COL9A1: variants seen among roughly 807,000 people sequenced by gnomAD.
COL9A1 encodes the protein collagen alpha-1(IX) chain.
Under a neutral mutation model 142.6 loss-of-function variants are expected in COL9A1, and 104 were observed. The ratio of observed to expected loss-of-function variants is 0.73; its 90% CI spans 0.62 to 0.86. The LOEUF (loss-of-function observed/expected upper bound fraction) is 0.86. Among genes scored for constraint, COL9A1 ranks in the 40% least tolerant of loss-of-function variants. COL9A1 has a pLI of 0.00. For missense variants in COL9A1, 1,210 were observed against 1,176.6 expected (o/e 1.03, Z -0.42); for synonymous variants, 466 against 396.0 (o/e 1.18, Z -2.10).
At chr6:70,260,489 A>G (rs1370633693) in intron 20 of COL9A1, among the ~76,000 whole-genome samples, 168 bp downstream of exon 20, 3 of 151,118 alleles carry the variant, frequency 2.0e-5, no homozygotes, top group African/African-American at 7.3e-5. Flanking sequence ...CAGAGGTTGC[A>G]GTGAGCCAAG....
In COL9A1 at chr6:70,252,680, C is replaced by T. The variant is rs182831655; in HGVS notation, c.1765-365G>A. Among the ~76,000 whole-genome samples the T allele has an allele frequency of 1.9e-3, 286 of 152,248 alleles. 1 individual carries two copies. Among genetic ancestry groups the T allele is most frequent in the African/African-American group, 6.5e-3 (272 of 41,540 alleles). ...TAATTATTTGAGTCTTTCTACCTCA[C>T]ATTAAACTATTGAAACTATTAAGAA... is the stretch of plus-strand genomic sequence containing the variant. On this transcript the variant is annotated intron_variant, in intron 26 of 37. Coordinates refer to ENST00000357250, the MANE Select transcript of COL9A1 (RefSeq NM_001851.6).
rs886061699 is a variant in COL9A1 at position 70,283,765 on chromosome 6, G to A, written c.752C>T (p.Thr251Ile). ...HCDPLRPRRETCHELPARITP... is the reference protein window; with the variant it reads ...HCDPLRPRREICHELPARITP... The stretch of plus-strand genomic sequence containing the variant: ...TATTCTGGCTGGCAGCTCATGGCAA[G>A]TTTCTCTCCTGGGCCGCAGGGGGTC... Residue 251 changes from threonine (T) to isoleucine (I), a missense_variant, in exon 6 of 38, where the codon ACT becomes ATT. Thr to Ile is a moderately conservative substitution (Grantham distance 89, BLOSUM62 -1). Coordinates refer to ENST00000357250, the MANE Select transcript of COL9A1 (RefSeq NM_001851.6). 1 of 1,612,134 alleles carries A rather than the reference G, an allele frequency of 6.2e-7. No homozygotes were observed. The highest frequency in any genetic ancestry group is 2.2e-5 in the East Asian group (1 of 44,838).
intron 28 of COL9A1, among the ~76,000 whole-genome samples, chr6:70,248,285 G>A (rs528865018): frequency 4.6e-5 from 7 of 152,228 alleles, no homozygotes; most frequent in East Asian, 3.9e-4. Flanking sequence ...AAAGGCAGGC[G>A]CCCATATGAA....
At chr6:70,282,827 C>G (rs978691698) in intron 7 of COL9A1, 71 bp downstream of exon 7, 5 of 1,611,306 alleles carry the variant, frequency 3.1e-6, no homozygotes, top group Non-Finnish European at 2.5e-6. Context: ...TCACAGCTCC[C>G]TCGACCGCTG....
In COL9A1 at chr6:70,252,139, C is replaced by T. The variant is rs761249181; in HGVS notation, c.1853G>A (p.Arg618Gln). ...ACTCACAGGAAGCCCCTGGGGTCCT[C>T]GGGGTCCCACCTCTCCTGGAGGCCC... ...QQGPPGEVGP[R>Q]GPQGLPGSRG... Residue 618 changes from arginine to glutamine, a missense_variant, in exon 28 of 38, where the codon CGA (arginine) becomes CAA (glutamine). Arg to Gln is a conservative substitution (Grantham distance 43, BLOSUM62 1). Transcript: ENST00000357250. 8.1e-6 allele frequency: 13 copies of T among 1,614,100 alleles called. No individual in the cohort carries two copies. The highest frequency in any genetic ancestry group is 2.2e-5 in the East Asian group (1 of 44,880).
At chr6:70,223,123 A>G (rs1031058263) in intron 37 of COL9A1, among the ~76,000 whole-genome samples, 1 of 152,168 alleles carries the variant, frequency 6.6e-6, no homozygotes, top group African/African-American at 2.4e-5. Flanking sequence ...GGCGGTGCTG[A>G]TTTAGAGAAG....
In COL9A1 at chr6:70,216,839, C is replaced by T; in HGVS notation, c.*58G>A. On this transcript the variant is annotated 3_prime_UTR_variant, in exon 38 of 38. Coordinates refer to ENST00000357250, the MANE Select transcript of COL9A1 (RefSeq NM_001851.6). ...TGCCCCAGCTTTGGATGGTGTTTCT[C>T]ACCCAGGCTCCTTCACCAGGCGTGG... 1 of 1,585,414 alleles carries T rather than the reference C, an allele frequency of 6.3e-7. No individual in the cohort carries two copies. The highest frequency in any genetic ancestry group is 1.1e-5 in the South Asian group (1 of 89,900).
rs1323944669 is a variant in COL9A1, at chr6:70,294,485, C to A, written c.378G>T (p.Lys126Asn). 1 of 1,614,088 alleles carries A rather than the reference C, an allele frequency of 6.2e-7. No homozygotes were observed. The highest frequency in any genetic ancestry group is 8.5e-7 in the Non-Finnish European group (1 of 1,179,960). ...CCTGAATCTGCCAAATGTTCCAGTT[C>A]TTTTTGAGAGTGCTTCCAGTCATTC... The part of the protein sequence containing the change: ...TFRMTGSTLK[K>N]NWNIWQIQDS... The change falls in exon 5 of 38, where the codon AAG becomes AAT. Residue 126 changes from lysine to asparagine, a missense_variant. Transcript: ENST00000357250.
At position 70,268,865 on chromosome 6, in the gene COL9A1, C is replaced by T. The variant is rs776730381; in HGVS notation, c.1231-5G>A. On this transcript the variant is annotated splice_polypyrimidine_tract_variant and splice_region_variant and intron_variant, in intron 16 of 37. Coordinates refer to ENST00000357250, the MANE Select transcript of COL9A1 (RefSeq NM_001851.6). ...TGGTGGACAGGCATTGGGACACTGCCAGGGAGAGAGGGAACAAAGAGAAAG... is the reference window on the plus strand; with the variant it reads ...TGGTGGACAGGCATTGGGACACTGCTAGGGAGAGAGGGAACAAAGAGAAAG... 4 of 1,613,702 alleles carry T rather than the reference C, an allele frequency of 2.5e-6. No individual in the cohort carries two copies. The highest frequency in any genetic ancestry group is 3.4e-6 in the Non-Finnish European group (4 of 1,179,752).
intron 10 of COL9A1, 139 bp downstream of exon 10, chr6:70,280,673 T>TG (rs1447332838): frequency 7.6e-7 from 1 of 1,319,200 alleles, no homozygotes; most frequent in East Asian, 2.5e-5. Context: ...AATCAGGCGC[T>TG]GGCAGGAGGC....
intron 10 of COL9A1, among the ~76,000 whole-genome samples, chr6:70,277,285 C>T (rs995343087): frequency 6.6e-6 from 1 of 151,656 alleles, no homozygotes; most frequent in African/African-American, 2.4e-5. Flanking sequence ...GAGAACAGCA[C>T]AGTTGTCCTA....
intron 19 of COL9A1, among the ~76,000 whole-genome samples, chr6:70,262,394 A>G (rs563211903): frequency 2.0e-5 from 3 of 152,286 alleles, no homozygotes; most frequent in Non-Finnish European, 1.5e-5. Flanking sequence ...CTTACACTTT[A>G]AATTCCCTTA....
intron 28 of COL9A1, among the ~76,000 whole-genome samples, chr6:70,251,489 G>C (rs1353130900): frequency 1.3e-5 from 2 of 152,204 alleles, no homozygotes; most frequent in Non-Finnish European, 2.9e-5. Flanking sequence ...CAAGGTTGCT[G>C]TGAGCTACGA....
intron 10 of COL9A1, among the ~76,000 whole-genome samples, chr6:70,276,916 A>G (rs1481376589): frequency 6.6e-6 from 1 of 152,204 alleles, no homozygotes; most frequent in Non-Finnish European, 1.5e-5. Context: ...ACAAACAAAC[A>G]AACCAAATCT....
At chr6:70,302,109 A>C in intron 1 of COL9A1, 35 bp from the exon 2 acceptor site, 1 of 1,456,362 alleles carries the variant, frequency 6.9e-7, no homozygotes, top group Non-Finnish European at 9.6e-7. Context: ...CTGAAACAGG[A>C]GTCCCCGCAG....
Position 70,255,389 on chromosome 6 carries a change from C to A in COL9A1, c.1505G>T (p.Gly502Val), listed in dbSNP as rs376101677. 2 of 1,614,006 alleles carry A rather than the reference C, an allele frequency of 1.2e-6. No individual in the cohort carries two copies. The highest frequency in any genetic ancestry group is 1.7e-6 in the Non-Finnish European group (2 of 1,179,886). Residue 502 changes from glycine (G) to valine (V), a missense_variant and splice_region_variant, in exon 22 of 38, where the codon GGT (glycine) becomes GTT (valine). Gly to Val is a moderately radical substitution (Grantham distance 109). Transcript: ENST00000357250. ...TGGAGGTCCTCGCTGTCCTTGATCA[C>A]CCTGTATGAAAATAAAATTTTGTTA... ...PGPQGLPGAP[G>V]DQGQRGPPGE...
intron 18 of COL9A1, among the ~76,000 whole-genome samples, chr6:70,265,367 C>A (rs969617287): frequency 3.3e-5 from 5 of 152,036 alleles, no homozygotes; most frequent in African/African-American, 4.8e-5. Flanking sequence ...ACTACATCTG[C>A]TTTACTGCAT....
intron 5 of COL9A1, among the ~76,000 whole-genome samples, chr6:70,288,486 G>T (rs1015035544): frequency 6.6e-5 from 10 of 152,116 alleles, no homozygotes; most frequent in African/African-American, 1.9e-4. Flanking sequence ...AGAACATGTT[G>T]CTTATCTGTT....
intron 28 of COL9A1, among the ~76,000 whole-genome samples, chr6:70,245,312 G>A (rs759852049): frequency 7.9e-5 from 12 of 152,124 alleles, no homozygotes; most frequent in Non-Finnish European, 1.5e-4. Context: ...TGAAAACATA[G>A]ACTAAACACA....
Sources: gnomAD v4.1 joint callset for allele counts (sites outside exome capture counted in the v4.1 genomes callset) on GRCh38, gnomAD v4.1.1 for gene constraint, MANE v1.5 for transcripts, NCBI Gene and HGNC (gene_info 2026-07-23, HGNC 2026-07-21) for gene names.